SYN3: variants seen among roughly 807,000 people sequenced by gnomAD.
SYN3 encodes synapsin III.
SYN3 carries 35 observed loss-of-function variants against 65.8 expected under a neutral mutation model. That is an observed-to-expected ratio of 0.53 (90% confidence interval 0.41 to 0.70). The LOEUF (loss-of-function observed/expected upper bound fraction) is 0.70, where lower values mean the gene tolerates loss of function less well. Ranked by LOEUF, SYN3 falls within the 30% of genes least tolerant of loss-of-function variation. The pLI, the probability that SYN3 is intolerant of heterozygous loss-of-function variation, is 0.00. For synonymous variants in SYN3, 270 were observed against 292.9 expected, an observed-to-expected ratio of 0.92 and a Z score of 0.80; for missense variants, 680 against 749.0, an observed-to-expected ratio of 0.91 and a Z score of 1.08.
chr22:32,612,163 CT>C (rs1319904282), intron 6 of SYN3, among the ~76,000 whole-genome samples: 2 of 152,158 alleles, frequency 1.3e-5, no homozygotes, highest in Non-Finnish European at 2.9e-5. Context: ...TTTCTCACAT[CT>C]CTTATAATAA....
chr22:32,943,385 C>G (rs1202823934), intron 3 of SYN3, among the ~76,000 whole-genome samples: 1 of 152,170 alleles, frequency 6.6e-6, no homozygotes, highest in Non-Finnish European at 1.5e-5. Flanking sequence ...ACTTTACAGA[C>G]AAGCAAATGC....
At chr22:32,842,756 T>G (rs1195553745) in intron 6 of SYN3, among the ~76,000 whole-genome samples, 1 of 152,218 alleles carries the variant, frequency 6.6e-6, no homozygotes, top group Non-Finnish European at 1.5e-5. Flanking sequence ...CATGAAAGCC[T>G]TGCCGGGGAG....
chr22:32,537,929 C>A, intron 9 of SYN3, 107 bp downstream of exon 9: 1 of 932,294 alleles, frequency 1.1e-6, no homozygotes, highest in South Asian at 1.4e-5. Context: ...GATGGTGAGG[C>A]ACTGGACGGA....
intron 7 of SYN3, among the ~76,000 whole-genome samples, chr22:32,573,105 A>G (rs2146439518): frequency 6.6e-6 from 1 of 152,330 alleles, no homozygotes; most frequent in East Asian, 1.9e-4. Context: ...ACTGGCAAAC[A>G]CAACATATTA....
At chr22:32,634,721 T>TC in intron 6 of SYN3, among the ~76,000 whole-genome samples, 1 of 152,272 alleles carries the variant, frequency 6.6e-6, no homozygotes, top group Non-Finnish European at 1.5e-5. Context: ...GCCCCAGGAA[T>TC]CCCTTCTTGG....
chr22:32,968,622 C>T (rs765974437), intron 3 of SYN3, among the ~76,000 whole-genome samples: 4 of 152,162 alleles, frequency 2.6e-5, no homozygotes, highest in Non-Finnish European at 5.9e-5. Flanking sequence ...TTGCCCTGTA[C>T]GTGACAAGCT....
At chr22:33,054,598 A>G (rs1464171453) in intron 1 of SYN3, among the ~76,000 whole-genome samples, 1 of 152,122 alleles carries the variant, frequency 6.6e-6, no homozygotes, top group Admixed American at 6.6e-5. Flanking sequence ...CACAAACACC[A>G]ATCTGTTTTC....
chr22:33,048,489 C>T (rs186235520), intron 1 of SYN3, among the ~76,000 whole-genome samples: 12,316 of 152,136 alleles, frequency 0.081, 749 homozygotes, highest in East Asian at 0.29. Context: ...GGGTGGATCC[C>T]TCATGAATGG....
intron 1 of SYN3, among the ~76,000 whole-genome samples, chr22:33,049,134 A>G (rs903618273): frequency 2.0e-5 from 3 of 152,194 alleles, no homozygotes; most frequent in African/African-American, 7.2e-5. Flanking sequence ...CACACCATAC[A>G]ATGGGTTTAG....
chr22:32,669,412 C>T (rs2060331604), intron 6 of SYN3, among the ~76,000 whole-genome samples: 1 of 152,178 alleles, frequency 6.6e-6, no homozygotes, highest in African/African-American at 2.4e-5. Flanking sequence ...TCCCTTTGGT[C>T]CCAACCTCCA....
intron 6 of SYN3, among the ~76,000 whole-genome samples, chr22:32,786,233 C>A (rs996505606): frequency 6.6e-6 from 1 of 152,124 alleles, no homozygotes; most frequent in Admixed American, 6.6e-5. Context: ...CATAAGAGCA[C>A]ACAGTGAGGT....
chr22:32,693,714 C>A (rs2060698975), intron 6 of SYN3, among the ~76,000 whole-genome samples: 1 of 150,742 alleles, frequency 6.6e-6, no homozygotes, highest in African/African-American at 2.4e-5. Flanking sequence ...GCCTCAGCCA[C>A]CTGAGTAGCT....
At chr22:32,836,404 G>C (rs1166533168) in intron 6 of SYN3, among the ~76,000 whole-genome samples, 1 of 152,208 alleles carries the variant, frequency 6.6e-6, no homozygotes, top group African/African-American at 2.4e-5. Context: ...GCCAGGGCAG[G>C]TGGTTCAGAA....
chr22:32,674,736 G>A (rs2060416903), intron 6 of SYN3, among the ~76,000 whole-genome samples: 1 of 152,194 alleles, frequency 6.6e-6, no homozygotes, highest in Admixed American at 6.5e-5. Flanking sequence ...ACATAGGTAT[G>A]TAAAGTACAC....
rs56220612 is a variant in SYN3, at chr22:32,953,864, G to A, written c.370-22383C>T. 8.1e-3 allele frequency among the ~76,000 whole-genome samples: 1,232 copies of A among 152,090 alleles called. 21 individuals are homozygous for A. Among genetic ancestry groups the A allele is most frequent in the African/African-American group, 0.028 (1,166 of 41,462 alleles). ...TTCTTCATCAACATCATCACACTTG[G>A]CAATATAAGATGTTAGGGAGTCAAG... On this transcript the variant is annotated intron_variant, in intron 3 of 13. Coordinates refer to ENST00000358763, the MANE Select transcript of SYN3 (RefSeq NM_003490.4).
chr22:33,056,348 T>A (rs548754609), intron 1 of SYN3, among the ~76,000 whole-genome samples: 3 of 152,268 alleles, frequency 2.0e-5, no homozygotes, highest in African/African-American at 7.2e-5. Context: ...GGTAGTGTAG[T>A]GGATACCGTG....
chr22:32,794,318 G>A lies in SYN3; in HGVS notation c.711+70597C>T, dbSNP rs73885104. 7.0e-3 allele frequency among the ~76,000 whole-genome samples: 1,069 copies of A among 152,282 alleles called. 16 individuals carry two copies. Among genetic ancestry groups the A allele is most frequent in the African/African-American group, 0.025 (1,038 of 41,548 alleles). On this transcript the variant is annotated intron_variant, in intron 6 of 13. Coordinates refer to ENST00000358763, the MANE Select transcript of SYN3 (RefSeq NM_003490.4). ...GAAAATATGGGGGTGGTGTTGACATGAGTCCTCTAGCCTATGTGACAATGA... is the reference window on the plus strand; with the variant it reads ...GAAAATATGGGGGTGGTGTTGACATAAGTCCTCTAGCCTATGTGACAATGA...
At chr22:32,574,876 T>A (rs2058829699) in intron 7 of SYN3, among the ~76,000 whole-genome samples, 1 of 152,252 alleles carries the variant, frequency 6.6e-6, no homozygotes, top group South Asian at 2.1e-4. Flanking sequence ...TTATTTTGTA[T>A]TAATAGTTTT....
intron 6 of SYN3, among the ~76,000 whole-genome samples, chr22:32,692,557 G>A (rs2060679799): frequency 6.6e-6 from 1 of 152,184 alleles, no homozygotes; most frequent in African/African-American, 2.4e-5. Flanking sequence ...CCACCCTGGA[G>A]GCCTTGTCAT....
Sources: gnomAD v4.1 joint callset for allele counts (sites outside exome capture counted in the v4.1 genomes callset) on GRCh38, gnomAD v4.1.1 for gene constraint, MANE v1.5 for transcripts, NCBI Gene and HGNC (gene_info 2026-07-23, HGNC 2026-07-21) for gene names.